Variants in ZNF385D observed in about 807,000 individuals in gnomAD.
The protein encoded by ZNF385D is zinc finger protein 385D, also known as zinc finger protein 659.
In ZNF385D, 15 loss-of-function variants were observed where a neutral mutation model predicts 35.8. The ratio of observed to expected loss-of-function variants is 0.42; its 90% CI spans 0.28 to 0.64. The LOEUF is 0.64. ZNF385D is among the 30% of genes least tolerant of loss of function. The pLI is 0.23. For missense variants in ZNF385D, 474 were observed against 494.6 expected, an observed-to-expected ratio of 0.96 and a Z score of 0.39; for synonymous variants, 212 against 186.8, an observed-to-expected ratio of 1.13 and a Z score of -1.10.
At chr3:21,678,515 GCAA>G (rs2125304976) in intron 1 of ZNF385D, among the ~76,000 whole-genome samples, 1 of 151,998 alleles carries the variant, frequency 6.6e-6, no homozygotes, top group Admixed American at 6.6e-5. Context: ...TGTAGAAAAC[GCAA>G]CAACAAATAA....
At chr3:21,839,093 A>C (rs2125782340) in intron 3 of ZNF385D, among the ~76,000 whole-genome samples, 1 of 152,244 alleles carries the variant, frequency 6.6e-6, no homozygotes, top group South Asian at 2.1e-4. Context: ...TAACATAATT[A>C]ACGATTATCA....
At chr3:21,797,802 A>G (rs77254952) in intron 3 of ZNF385D, among the ~76,000 whole-genome samples, 11,595 of 152,232 alleles carry the variant, frequency 0.076, 576 homozygotes, top group South Asian at 0.11. Flanking sequence ...AAAAGGAAAA[A>G]CTATGGAGAT....
rs372217596 is a variant in ZNF385D at position 22,103,750 on chromosome 3, C to T, written c.325+65067G>A. Among the ~76,000 whole-genome samples the T allele has an allele frequency of 4.9e-5, 7 of 143,876 alleles. No individual in the cohort carries two copies. In the South Asian group the frequency reaches 1.5e-3, roughly 32 times the overall value. The allele number at this position is 143,876 out of a possible 152,430, so 94.4% of individuals were successfully genotyped here. A position where few individuals can be genotyped will look rare whatever the true frequency, so the allele number is the denominator to read the frequency against. On this transcript the variant is annotated intron_variant, in intron 3 of 5. Transcript: ENST00000494108. The stretch of plus-strand genomic sequence containing the variant: ...AAAAATCTTATGGTAGCACAACCTC[C>T]TGGTTGTGGCAGGAAAACCCAGTCC...
At chr3:21,974,754 A>C (rs184798213) in intron 3 of ZNF385D, among the ~76,000 whole-genome samples, 1 of 152,246 alleles carries the variant, frequency 6.6e-6, no homozygotes, top group East Asian at 1.9e-4. Context: ...TTAAAATGGC[A>C]AAAGATCTAA....
chr3:22,107,942 A>G (rs565631769), intron 3 of ZNF385D, among the ~76,000 whole-genome samples: 1 of 152,006 alleles, frequency 6.6e-6, no homozygotes, highest in South Asian at 2.1e-4. Context: ...CTCCCTCATG[A>G]AAGTGATTAA....
At position 21,732,030 on chromosome 3, in the gene ZNF385D, G is replaced by GTTTTTTT. The variant is rs1214143626; in HGVS notation, c.22+18858_22+18864dup. On this transcript the variant is annotated intron_variant, in intron 1 of 7. Coordinates refer to ENST00000281523, the MANE Select transcript of ZNF385D (RefSeq NM_024697.3). ...TTCAGGGTTTTTTTCTTTTTTCGGG[G>GTTTTTTT]TTTTTTTTTTTTTTTTTTTTTTTTT... Among the ~76,000 whole-genome samples the GTTTTTTT allele has an allele frequency of 6.2e-4, 23 of 37,366 alleles. 1 individual carries two copies. Among genetic ancestry groups the GTTTTTTT allele is most frequent in the South Asian group, 1.6e-3 (2 of 1,218 alleles). The allele number at this position is 37,366 out of a possible 152,430, so 24.5% of individuals were successfully genotyped here.
chr3:22,158,163 C>G (rs916371192), intron 3 of ZNF385D, among the ~76,000 whole-genome samples: 3 of 151,988 alleles, frequency 2.0e-5, no homozygotes, highest in African/African-American at 7.2e-5. Flanking sequence ...TTTATAACCC[C>G]CAGATTCATG....
In ZNF385D at chr3:21,512,411, A is replaced by G. The variant is rs185696389; in HGVS notation, c.277-1388T>C. 2.8e-3 allele frequency among the ~76,000 whole-genome samples: 428 copies of G among 152,282 alleles called. 1 individual carries two copies. Among genetic ancestry groups the G allele is most frequent in the Non-Finnish European group, 4.6e-3 (316 of 68,022 alleles). ...TTAAACTAAGTACTTCACTTTGCCA[A>G]AAAATAATAATCACATTGTCCTCTT... On this transcript the variant is annotated intron_variant, in intron 3 of 7. Coordinates refer to ENST00000281523, the MANE Select transcript of ZNF385D (RefSeq NM_024697.3).
At chr3:21,945,927 T>C (rs1701762087) in intron 3 of ZNF385D, among the ~76,000 whole-genome samples, 1 of 152,192 alleles carries the variant, frequency 6.6e-6, no homozygotes, top group Admixed American at 6.5e-5. Context: ...TGCTTCTCAA[T>C]TTCAGAGCTC....
intron 3 of ZNF385D, among the ~76,000 whole-genome samples, chr3:22,154,980 A>G (rs541198831): frequency 6.4e-4 from 97 of 152,170 alleles, no homozygotes; most frequent in Admixed American, 1.5e-3. Context: ...TGACTACTAT[A>G]TTAAGTGAAT....
chr3:21,822,002 A>G (rs947997952), intron 3 of ZNF385D, among the ~76,000 whole-genome samples: 1 of 151,328 alleles, frequency 6.6e-6, no homozygotes, highest in African/African-American at 2.4e-5. Context: ...AAGCTGGTTT[A>G]GCCAACTTTT....
intron 3 of ZNF385D, among the ~76,000 whole-genome samples, chr3:21,794,893 T>G (rs1421576964): frequency 6.6e-6 from 1 of 152,186 alleles, no homozygotes; most frequent in East Asian, 1.9e-4. Context: ...TATTGTCACA[T>G]ATCATACAAT....
At chr3:22,288,865 A>G (rs777260122) in intron 2 of ZNF385D, among the ~76,000 whole-genome samples, 18 of 152,086 alleles carry the variant, frequency 1.2e-4, no homozygotes, top group African/African-American at 3.9e-4. Flanking sequence ...TAAAAGAAGA[A>G]CCTCACCAAT....
chr3:22,126,767 C>T (rs907212218), intron 3 of ZNF385D, among the ~76,000 whole-genome samples: 1 of 152,074 alleles, frequency 6.6e-6, no homozygotes, highest in Non-Finnish European at 1.5e-5. Context: ...CTGCCCAATG[C>T]TGAAAGTGGA....
intron 3 of ZNF385D, among the ~76,000 whole-genome samples, chr3:21,935,295 G>A (rs1037693610): frequency 7.2e-5 from 11 of 152,020 alleles, no homozygotes; most frequent in Non-Finnish European, 1.3e-4. Flanking sequence ...AGATTCATTC[G>A]TTTTATGTAA....
chr3:22,024,655 C>T (rs1038710402), intron 3 of ZNF385D, among the ~76,000 whole-genome samples: 1 of 152,096 alleles, frequency 6.6e-6, no homozygotes, highest in Admixed American at 6.6e-5. Context: ...TTGGCATGAA[C>T]TGTTTAGAGA....
intron 3 of ZNF385D, among the ~76,000 whole-genome samples, chr3:22,075,952 C>T (rs539509205): frequency 5.9e-5 from 9 of 151,992 alleles, no homozygotes; most frequent in Admixed American, 6.6e-5. Flanking sequence ...GGATATTCTT[C>T]GCTTCTTTAA....
chr3:21,814,600 T>C (rs1299533602), intron 3 of ZNF385D, among the ~76,000 whole-genome samples: 2 of 152,032 alleles, frequency 1.3e-5, no homozygotes, highest in African/African-American at 2.4e-5. Flanking sequence ...CATTACATAA[T>C]GGTAAAGGGA....
chr3:21,882,495 T>G (rs935354655), intron 3 of ZNF385D, among the ~76,000 whole-genome samples: 4 of 151,978 alleles, frequency 2.6e-5, no homozygotes, highest in African/African-American at 9.7e-5. Flanking sequence ...ATAACTTTTA[T>G]ATGCACTAGA....
Sources: allele counts gnomAD v4.1 joint callset (sites outside exome capture counted in the v4.1 genomes callset), GRCh38; gene constraint gnomAD v4.1.1; transcripts MANE v1.5; gene names NCBI Gene and HGNC (gene_info 2026-07-23, HGNC 2026-07-21).